EPB41L1: variants seen among roughly 807,000 people sequenced by gnomAD.
EPB41L1 encodes the protein erythrocyte membrane protein band 4.1 like 1, also known as band 4.1-like protein 1.
A neutral mutation model predicts 97.8 loss-of-function variants in EPB41L1; 29 were observed. The ratio of observed to expected loss-of-function variants is 0.30; its 90% confidence interval spans 0.22 to 0.40. The LOEUF is 0.40. Ranked by LOEUF, EPB41L1 falls within the 10% of genes least tolerant of loss-of-function variation. EPB41L1 has a pLI of 1.00. For synonymous variants in EPB41L1, 383 were observed against 459.2 expected (o/e 0.83, Z 2.12); for missense variants, 812 against 1,162.3 (o/e 0.70, Z 4.38).
At chr20:36,141,128 A>G (rs568362500) in intron 2 of EPB41L1, among the ~76,000 whole-genome samples, 1 of 152,146 alleles carries the variant, frequency 6.6e-6, no homozygotes, top group Non-Finnish European at 1.5e-5. Context: ...TTACGTGTTC[A>G]TTTCTTCCAT....
upstream of EPB41L1, chr20:36,091,445 G>A (rs11700041): frequency 5.9e-3 from 903 of 152,274 alleles, 7 homozygotes; most frequent in Non-Finnish European, 9.5e-3. Flanking sequence ...GTTCTCAGCT[G>A]CTCACTTTGC....
intron 6 of EPB41L1, among the ~76,000 whole-genome samples, chr20:36,184,688 C>T (rs543858041): frequency 2.0e-4 from 30 of 152,114 alleles, no homozygotes; most frequent in Non-Finnish European, 4.4e-4. Context: ...TAAGAAACAC[C>T]CATAAATCAA....
In EPB41L1 at chr20:36,177,959, G is replaced by A. The variant is rs1365403403; in HGVS notation, c.350G>A (p.Gly117Asp). The change falls in exon 4 of 22, where the codon GGC (glycine) becomes GAC (aspartate). Residue 117 changes from glycine (G) to aspartate (D), a missense_variant. This residue lies in a region of EPB41L1 where 230 missense variants were observed against 445.2 expected (regional missense o/e 0.52). Coordinates refer to ENST00000338074, the MANE Select transcript of EPB41L1 (RefSeq NM_012156.2). ...SEYECEVEKH[G>D]RGQVLFDLVC... is the part of the protein sequence containing the mutation. ...CTCTGCTTCCCTCCTTAGAAACATG[G>A]CCGGGGCCAGGTGCTGTTTGACCTG... 1.2e-6 allele frequency: 2 copies of A among 1,614,052 alleles called. No homozygotes were observed. Among genetic ancestry groups the A allele is most frequent in the Non-Finnish European group, 1.7e-6 (2 of 1,179,922 alleles).
At chr20:36,122,379 G>T (rs2058781050) in intron 2 of EPB41L1, among the ~76,000 whole-genome samples, 1 of 152,218 alleles carries the variant, frequency 6.6e-6, no homozygotes, top group African/African-American at 2.4e-5. Flanking sequence ...GCTCAGCTGT[G>T]AGCGCCCATC....
rs866574869 is a variant in EPB41L1 at position 36,206,631 on chromosome 20, G to T, written c.1669-2857G>T. 3.3e-5 allele frequency: 43 copies of T among 1,289,842 alleles called. No individual in the cohort carries two copies. In the African/African-American group the frequency reaches 6.2e-4, roughly 19 times the overall value. The allele number at this position is 1,289,842 out of a possible 1,614,324, so 79.9% of individuals were successfully genotyped here. On this transcript the variant is annotated intron_variant, in intron 14 of 21. Coordinates refer to ENST00000338074, the MANE Select transcript of EPB41L1 (RefSeq NM_012156.2). This position sits in a 1 kb window ranked among gnomAD's most constrained non-coding sequence, Gnocchi z 5.5. ...CTGCTGCTGCTTCCAGCAGGAGCAAGGACGAAGCCCACATGACTTCCCCAA... is the reference window on the plus strand; with the variant it reads ...CTGCTGCTGCTTCCAGCAGGAGCAATGACGAAGCCCACATGACTTCCCCAA...
At chr20:36,169,608 C>A (rs1311016584) in intron 1 of EPB41L1, among the ~76,000 whole-genome samples, 2 of 152,204 alleles carry the variant, frequency 1.3e-5, no homozygotes, top group Non-Finnish European at 2.9e-5. Flanking sequence ...GCCAGAATGT[C>A]AAGGTCTCCT....
intron 7 of EPB41L1, among the ~76,000 whole-genome samples, chr20:36,186,110 C>T (rs561425163): frequency 2.6e-5 from 4 of 152,308 alleles, no homozygotes; most frequent in Non-Finnish European, 5.9e-5. Context: ...TTCAGCATCC[C>T]TGGGACCCAG....
At chr20:36,165,609 G>A (rs2060708605) in intron 1 of EPB41L1, among the ~76,000 whole-genome samples, 2 of 152,174 alleles carry the variant, frequency 1.3e-5, no homozygotes, top group South Asian at 4.1e-4. Context: ...TGAGGCAGGA[G>A]AATTGCTTGA....
intron 2 of EPB41L1, among the ~76,000 whole-genome samples, chr20:36,133,891 C>T (rs1356421047): frequency 6.6e-6 from 1 of 151,330 alleles, no homozygotes; most frequent in Admixed American, 6.6e-5. Context: ...TAATATCCAT[C>T]ATTACTTGAT....
chr20:36,120,747 A>G (rs1333521534), intron 2 of EPB41L1, among the ~76,000 whole-genome samples: 2 of 152,036 alleles, frequency 1.3e-5, no homozygotes, highest in East Asian at 1.9e-4. Flanking sequence ...AGTTCCTACC[A>G]TACTCCAAAC....
chr20:36,126,558 G>A (rs2058977191), intron 2 of EPB41L1, among the ~76,000 whole-genome samples: 2 of 152,066 alleles, frequency 1.3e-5, no homozygotes, highest in Admixed American at 6.5e-5. Context: ...TAGAGACTGG[G>A]TTTCTCCATG....
At chr20:36,131,085 C>T (rs2059187411) in intron 2 of EPB41L1, among the ~76,000 whole-genome samples, 1 of 151,960 alleles carries the variant, frequency 6.6e-6, no homozygotes, top group African/African-American at 2.4e-5. Context: ...AAGTGATTCT[C>T]CTGCCTCAGC....
chr20:36,105,885 C>G (rs570943138), intron 1 of EPB41L1, among the ~76,000 whole-genome samples: 10 of 152,280 alleles, frequency 6.6e-5, no homozygotes, highest in African/African-American at 2.4e-4. Flanking sequence ...GTTTTTCTGG[C>G]TGGTACCTGC....
intron 1 of EPB41L1, among the ~76,000 whole-genome samples, chr20:36,160,505 C>CTT (rs1259592393): frequency 6.6e-6 from 1 of 151,762 alleles, no homozygotes; most frequent in Non-Finnish European, 1.5e-5. Context: ...GAATCTCTTG[C>CTT]ACCCGGAAGG....
intron 14 of EPB41L1, among the ~76,000 whole-genome samples, chr20:36,204,461 C>T (rs1006568559): frequency 1.1e-4 from 15 of 134,554 alleles, no homozygotes; most frequent in Middle Eastern, 3.7e-3. Context: ...AACAGTGCTG[C>T]GATCTGGTGC....
chr20:36,223,434 G>C (rs945959016), intron 21 of EPB41L1, among the ~76,000 whole-genome samples: 2 of 152,210 alleles, frequency 1.3e-5, no homozygotes, highest in East Asian at 3.8e-4. Context: ...GTGAATAAGA[G>C]AAATAAGATG....
At chr20:36,219,687 C>G in intron 18 of EPB41L1, 74 bp from the exon 19 acceptor site, 1 of 1,307,610 alleles carries the variant, frequency 7.6e-7, no homozygotes, top group Non-Finnish European at 1.1e-6. Flanking sequence ...CCCTTTACCC[C>G]ACCCCGCCCT....
intron 2 of EPB41L1, among the ~76,000 whole-genome samples, chr20:36,124,128 G>A (rs1372649186): frequency 1.5e-4 from 23 of 152,088 alleles, no homozygotes; most frequent in Admixed American, 1.4e-3. Context: ...GGTGGTGGGC[G>A]CCTGTAGTCC....
At chr20:36,104,052 G>T (rs1222118220) in intron 1 of EPB41L1, among the ~76,000 whole-genome samples, 3 of 152,286 alleles carry the variant, frequency 2.0e-5, no homozygotes, top group East Asian at 3.9e-4. Context: ...GCATTGTGCT[G>T]CGGGGGCCAG....
Sources: allele counts gnomAD v4.1 joint callset (sites outside exome capture counted in the v4.1 genomes callset), GRCh38; gene constraint gnomAD v4.1.1; regional missense constraint gnomAD v4.1.1; non-coding constraint Gnocchi (gnomAD v3.1); transcripts MANE v1.5; gene names NCBI Gene and HGNC (gene_info 2026-07-23, HGNC 2026-07-21).